Variants in HMX1 observed in about 807,000 individuals in gnomAD.
HMX1 encodes homeobox protein HMX1.
Under a neutral mutation model 8.9 loss-of-function variants are expected in HMX1, and 8 were observed. The ratio of observed to expected loss-of-function variants is 0.90; its 90% CI spans 0.53 to 1.63. The LOEUF is 1.63. Ranked by LOEUF, HMX1 falls within the 40% of genes most tolerant of loss-of-function variation. The pLI is 0.00. For missense variants in HMX1, 621 were observed against 558.5 expected, an observed-to-expected ratio of 1.11 and a Z score of -1.13; for synonymous variants, 311 against 283.4, an observed-to-expected ratio of 1.10 and a Z score of -0.98.
chr4:8,871,212 C>G lies in HMX1; in HGVS notation c.394+9G>C. ...CCGCCTGACCCACCCTCCCCGCGCC[C>G]TCACTCACTGTCAGGACTGAGGCCG... On this transcript the variant is annotated intron_variant, in intron 1 of 1. Transcript: ENST00000400677. This position sits in a 1 kb window ranked among gnomAD's most constrained non-coding sequence, Gnocchi z 4.8. The G allele has an allele frequency of 7.7e-6, 11 of 1,432,038 alleles. No individual in the cohort carries two copies. The highest frequency in any genetic ancestry group is 7.3e-6 in the Non-Finnish European group (8 of 1,101,692). The allele number at this position is 1,432,038 out of a possible 1,614,324, so 88.7% of individuals were successfully genotyped here.
At position 8,871,502 on chromosome 4, in the gene HMX1, C is replaced by A. The variant is rs542571139; in HGVS notation, c.113G>T (p.Gly38Val). ...CTCCTCGTCCTCCCGGCTGCCGTCG[C>A]CCTGGGTCGCGCGCCCTGCGCCCTT... ...EAKGAGRATQ[G>V]DGSREDEEED... Residue 38 changes from glycine (G) to valine (V), a missense_variant, in exon 1 of 2, where the codon GGC becomes GTC. Gly to Val is a moderately radical substitution (Grantham distance 109). Transcript: ENST00000400677. This position sits in a 1 kb window ranked among gnomAD's most constrained non-coding sequence, Gnocchi z 4.8. 9.7e-6 allele frequency: 13 copies of A among 1,343,238 alleles called. No homozygotes were observed. The East Asian group carries it at 3.5e-4, about 37-fold the overall frequency. 83.2% of individuals were successfully genotyped at this position (1,343,238 alleles called of 1,614,324 possible).
intron 1 of HMX1, among the ~76,000 whole-genome samples, chr4:8,855,055 C>T (rs144604222): frequency 2.2e-3 from 341 of 152,354 alleles, no homozygotes; most frequent in African/African-American, 7.4e-3. Context: ...GGCAACCATC[C>T]CTCAGCCAAG....
Position 8,871,702 on chromosome 4 carries a change from G to A in HMX1, c.-88C>T. The A allele has an allele frequency of 9.0e-7, 1 of 1,105,474 alleles. No homozygotes were observed. The highest frequency in any genetic ancestry group is 1.7e-5 in the African/African-American group (1 of 59,634). 68.5% of individuals were successfully genotyped at this position (1,105,474 alleles called of 1,614,324 possible). On this transcript the variant is annotated 5_prime_UTR_variant, in exon 1 of 2. Coordinates refer to ENST00000400677, the MANE Select transcript of HMX1 (RefSeq NM_018942.3). This position sits in a 1 kb window ranked among gnomAD's most constrained non-coding sequence, Gnocchi z 4.8. ...CGGCTCCCGGGCGCACGCGCGGGCC[G>A]GCCCTGGAGCTGCTACCCGGACCGC...
rs563898741 is a variant in HMX1 at position 8,857,273 on chromosome 4, CGCCTCCAG to C, written c.395-10957_395-10950del. ...CCGTCCCCACTTCCTCCCCTGCAGC[CGCCTCCAG>C]GCCGCCAACCTCGCCCAGCCGGAGC... On this transcript the variant is annotated intron_variant, in intron 1 of 1. Transcript: ENST00000506970. 3.6e-4 allele frequency among the ~76,000 whole-genome samples: 55 copies of C among 152,308 alleles called. No homozygotes were observed. In the East Asian group the frequency reaches 9.5e-3, roughly 26 times the overall value.
rs535614282 is a variant in HMX1 at position 8,868,895 on chromosome 4, C to T, written c.395-550G>A. 8.5e-5 allele frequency among the ~76,000 whole-genome samples: 13 copies of T among 152,290 alleles called. No individual in the cohort carries two copies. The South Asian group carries it at 2.7e-3, about 32-fold the overall frequency. ...GAGTTCACAGGCCTCTTCCCGCGCC[C>T]TCTGCCCGCTTGCACAGAAACATTC... is the stretch of plus-strand genomic sequence containing the variant. On this transcript the variant is annotated intron_variant, in intron 1 of 1. Transcript: ENST00000400677. The surrounding 1 kb of genome is among the most constrained non-coding windows in gnomAD (Gnocchi z 4.6).
At chr4:8,863,739 G>C (rs563376674), downstream of HMX1, among the ~76,000 whole-genome samples, 3 of 152,258 alleles carry the variant, frequency 2.0e-5, no homozygotes, top group Admixed American at 1.3e-4. Context: ...CTGCTCTCTC[G>C]GCCAAGGGCC....
At chr4:8,865,184 G>A (rs1447593109), downstream of HMX1, among the ~76,000 whole-genome samples, 4 of 152,300 alleles carry the variant, frequency 2.6e-5, no homozygotes, top group Admixed American at 6.5e-5. Context: ...GGACCTGGGC[G>A]CCACCACTGC....
Position 8,871,494 on chromosome 4 carries a change from T to A in HMX1, c.121A>T (p.Ser41Cys), listed in dbSNP as rs142087432. 1,295 of 1,340,602 alleles carry A rather than the reference T, an allele frequency of 9.7e-4. No homozygotes were observed. The highest frequency in any genetic ancestry group is 1.2e-3 in the Non-Finnish European group (1,230 of 1,043,150). The allele number at this position is 1,340,602 out of a possible 1,614,324, so 83.0% of individuals were successfully genotyped here. Residue 41 changes from serine to cysteine, a missense_variant, in exon 1 of 2, where the codon AGC becomes TGC. Coordinates refer to ENST00000400677, the MANE Select transcript of HMX1 (RefSeq NM_018942.3). This position sits in a 1 kb window ranked among gnomAD's most constrained non-coding sequence, Gnocchi z 4.8. ...TCGTCCTCCTCCTCGTCCTCCCGGC[T>A]GCCGTCGCCCTGGGTCGCGCGCCCT... is the stretch of plus-strand genomic sequence containing the variant. ...GAGRATQGDGSREDEEEDDDD... is the reference protein window; with the variant it reads ...GAGRATQGDGCREDEEEDDDD...
At chr4:8,855,904 A>G (rs1215593484) in intron 1 of HMX1, among the ~76,000 whole-genome samples, 1 of 152,218 alleles carries the variant, frequency 6.6e-6, no homozygotes, top group Non-Finnish European at 1.5e-5. Flanking sequence ...GTACGGGGCC[A>G]GCCTGCCCTC....
chr4:8,850,520 T>C (rs192298180), intron 1 of HMX1, among the ~76,000 whole-genome samples: 77 of 152,244 alleles, frequency 5.1e-4, no homozygotes, highest in African/African-American at 1.8e-3. Context: ...GCCTAGCCTC[T>C]GCTGCCCTCC....
chr4:8,855,594 C>A (rs913933150), intron 1 of HMX1, among the ~76,000 whole-genome samples: 3 of 152,190 alleles, frequency 2.0e-5, no homozygotes, highest in Non-Finnish European at 2.9e-5. Context: ...CCAGAAGGTT[C>A]TCTCACCTGG....
rs2109463055 is a variant in HMX1 at position 8,860,070 on chromosome 4, C to A, written c.394+11151G>T. On this transcript the variant is annotated intron_variant, in intron 1 of 1. Transcript: ENST00000506970. Reference sequence around the variant, plus strand: ...CTGACAGCGCGAACTGCGTCAGGGGCGAAGCCGAGTTCGTGGAGCGCCGTT... The same window carrying A: ...CTGACAGCGCGAACTGCGTCAGGGGAGAAGCCGAGTTCGTGGAGCGCCGTT... Among the ~76,000 whole-genome samples the A allele has an allele frequency of 2.0e-5, 3 of 152,360 alleles. No individual in the cohort carries two copies. In the South Asian group the frequency reaches 6.2e-4, roughly 32 times the overall value.
chr4:8,855,629 C>T (rs1239154754), intron 1 of HMX1, among the ~76,000 whole-genome samples: 6 of 152,170 alleles, frequency 3.9e-5, no homozygotes, highest in Non-Finnish European at 7.4e-5. Context: ...AAGGATTCAC[C>T]CTCCAGGACA....
At position 8,871,378 on chromosome 4, in the gene HMX1, C is replaced by G. The variant is rs1722213931; in HGVS notation, c.237G>C (p.Gly79=). The G allele has an allele frequency of 8.1e-7, 1 of 1,237,372 alleles. No homozygotes were observed. Among genetic ancestry groups the G allele is most frequent in the Non-Finnish European group, 1.0e-6 (1 of 988,646 alleles). The allele number at this position is 1,237,372 out of a possible 1,614,324, so 76.6% of individuals were successfully genotyped here. A position where few individuals can be genotyped will look rare whatever the true frequency, so the allele number is the denominator to read the frequency against. ...RQLLAGTGPG[G]EARARALLGP... ...CGAGCAGCGCACGGGCCCGCGCCTC[C>G]CCGCCGGGCCCGGTGCCCGCGAGCA... Residue 79 remains glycine, a synonymous_variant, in exon 1 of 2, where the codon GGG becomes GGC. Coordinates refer to ENST00000400677, the MANE Select transcript of HMX1 (RefSeq NM_018942.3). The surrounding 1 kb of genome is among the most constrained non-coding windows in gnomAD (Gnocchi z 4.8).
intron 1 of HMX1, among the ~76,000 whole-genome samples, chr4:8,869,828 G>A (rs1379290083): frequency 1.3e-5 from 2 of 152,182 alleles, no homozygotes; most frequent in Non-Finnish European, 2.9e-5. Context: ...AGGGGGAGCC[G>A]CCTCTGCAGG....
rs1721341303 is a variant in HMX1 at position 8,848,487 on chromosome 4, T to C, written c.395-2163A>G. On this transcript the variant is annotated intron_variant, in intron 1 of 1. Coordinates refer to the HMX1 transcript ENST00000506970. The surrounding 1 kb of genome is among the most constrained non-coding windows in gnomAD (Gnocchi z 4.1). ...ACTCATCTAGGCAGAGTACTTGGAATGCCCTAGTTCAATCCCCTTGTTTTA... is the reference window on the plus strand; with the variant it reads ...ACTCATCTAGGCAGAGTACTTGGAACGCCCTAGTTCAATCCCCTTGTTTTA... Among the ~76,000 whole-genome samples, 2 of 152,224 alleles carry C rather than the reference T, an allele frequency of 1.3e-5. No individual in the cohort carries two copies. Among genetic ancestry groups the C allele is most frequent in the Non-Finnish European group, 1.5e-5 (1 of 68,042 alleles).
rs1414374463 is a variant in HMX1, at chr4:8,868,626, G to A, written c.395-281C>T. Among the ~76,000 whole-genome samples, 1 of 152,070 alleles carries A rather than the reference G, an allele frequency of 6.6e-6. No individual in the cohort carries two copies. Among genetic ancestry groups the A allele is most frequent in the African/African-American group, 2.4e-5 (1 of 41,414 alleles). On this transcript the variant is annotated intron_variant, in intron 1 of 1. Transcript: ENST00000400677. The surrounding 1 kb of genome is among the most constrained non-coding windows in gnomAD (Gnocchi z 4.6). ...ACACCCATGCCAGAGGACAACAAAG[G>A]GATGCAGAGCAAAGAAAAGAAACAA...
chr4:8,863,404 G>C (rs370890527), downstream of HMX1, among the ~76,000 whole-genome samples: 44 of 152,368 alleles, frequency 2.9e-4, 1 homozygote, highest in East Asian at 8.1e-3. Flanking sequence ...TGCTCACCCA[G>C]CCAGAGTCCA....
chr4:8,870,674 C>A lies in HMX1; in HGVS notation c.394+547G>T, dbSNP rs932758058. ...CCGGCCCCACCCCCACAACACTGCACCCTCTGCTCAATGCCCCCTTTTATT... is the reference window on the plus strand; with the variant it reads ...CCGGCCCCACCCCCACAACACTGCAACCTCTGCTCAATGCCCCCTTTTATT... On this transcript the variant is annotated intron_variant, in intron 1 of 1. Coordinates refer to ENST00000400677, the MANE Select transcript of HMX1 (RefSeq NM_018942.3). The surrounding 1 kb of genome is among the most constrained non-coding windows in gnomAD (Gnocchi z 4.4). Among the ~76,000 whole-genome samples the A allele has an allele frequency of 6.6e-6, 1 of 151,056 alleles. No homozygotes were observed. Among genetic ancestry groups the A allele is most frequent in the Non-Finnish European group, 1.5e-5 (1 of 67,796 alleles).
Sources: gnomAD v4.1 joint callset for allele counts (sites outside exome capture counted in the v4.1 genomes callset) on GRCh38, gnomAD v4.1.1 for gene constraint, Gnocchi (gnomAD v3.1) non-coding constraint, MANE v1.5 for transcripts, NCBI Gene and HGNC (gene_info 2026-07-23, HGNC 2026-07-21) for gene names.